The following XRN2 variants were observed in gnomAD, a reference collection of about 807,000 sequenced individuals.
The protein encoded by XRN2 is 5'-3' exoribonuclease 2.
A neutral mutation model predicts 138.5 loss-of-function variants in XRN2; 44 were observed. That is an observed-to-expected ratio of 0.32 (90% CI 0.25 to 0.41). The LOEUF (loss-of-function observed/expected upper bound fraction) is 0.41, where lower values mean the gene tolerates loss of function less well. Ranked by LOEUF, XRN2 falls within the 10% of genes least tolerant of loss-of-function variation. XRN2 has a pLI of 1.00. For missense variants in XRN2, 937 were observed against 1,169.3 expected, an observed-to-expected ratio of 0.80 and a Z score of 2.90; for synonymous variants, 354 against 369.4, an observed-to-expected ratio of 0.96 and a Z score of 0.48.
At chr20:21,382,168 C>A in intron 28 of XRN2, 111 bp downstream of exon 28, 3 of 818,814 alleles carry the variant, frequency 3.7e-6, no homozygotes, top group Non-Finnish European at 5.4e-6. Flanking sequence ...CTTTTTCCCA[C>A]CAAAAACAAT....
At chr20:21,356,496 T>C (rs2038577357) in intron 22 of XRN2, 90 bp from the exon 23 acceptor site, 15 of 1,179,958 alleles carry the variant, frequency 1.3e-5, no homozygotes, top group Admixed American at 2.4e-5. Context: ...TTGGCTCTTA[T>C]GAATGATGCT....
intron 3 of XRN2, 71 bp from the exon 4 acceptor site, chr20:21,328,488 A>G: frequency 7.0e-7 from 1 of 1,423,164 alleles, no homozygotes. Flanking sequence ...AGAACAACTG[A>G]TTCAAAATAA....
chr20:21,373,201 G>T (rs560320544), intron 27 of XRN2, among the ~76,000 whole-genome samples: 4 of 152,064 alleles, frequency 2.6e-5, no homozygotes, highest in Non-Finnish European at 5.9e-5. Flanking sequence ...GTAGAGATGG[G>T]GTTTCACCAT....
At chr20:21,317,298 A>G (rs1185919210) in intron 1 of XRN2, among the ~76,000 whole-genome samples, 1 of 80,464 alleles carries the variant, frequency 1.2e-5, no homozygotes, top group Non-Finnish European at 2.9e-5. Flanking sequence ...TTTCTAGATG[A>G]GTATTTTTTT....
rs761622310 is a variant in XRN2 at position 21,377,264 on chromosome 20, C to CTTTTTTTT, written c.2585-4723_2585-4716dup. ...CCAACATATGATTTGTCGGTTTTTT[C>CTTTTTTTT]TTTTTTTTTTTTTTGGTCAGTCTTG... On this transcript the variant is annotated intron_variant, in intron 27 of 29. Transcript: ENST00000377191. Among the ~76,000 whole-genome samples, 222 of 82,782 alleles carry CTTTTTTTT rather than the reference C, an allele frequency of 2.7e-3. 29 individuals are homozygous for CTTTTTTTT. Among genetic ancestry groups the CTTTTTTTT allele is most frequent in the African/African-American group, 0.011 (207 of 18,674 alleles). The allele number at this position is 82,782 out of a possible 152,430, so 54.3% of individuals were successfully genotyped here.
chr20:21,352,166 G>C (rs2038517859), intron 20 of XRN2, among the ~76,000 whole-genome samples: 1 of 151,998 alleles, frequency 6.6e-6, no homozygotes, highest in Non-Finnish European at 1.5e-5. Flanking sequence ...TAGTACTGTT[G>C]GGAAATACAG....
intron 27 of XRN2, among the ~76,000 whole-genome samples, chr20:21,377,128 A>G (rs1019760012): frequency 2.0e-5 from 3 of 152,168 alleles, no homozygotes; most frequent in Non-Finnish European, 4.4e-5. Flanking sequence ...TGTATTGGAT[A>G]AATAATTAGC....
chr20:21,386,195 A>C lies in XRN2; in HGVS notation c.2649-673A>C, dbSNP rs184105272. Among the ~76,000 whole-genome samples, 216 of 152,356 alleles carry C rather than the reference A, an allele frequency of 1.4e-3. 4 individuals are homozygous for C. Among genetic ancestry groups the C allele is most frequent in the Non-Finnish European group, 3.5e-4 (24 of 68,030 alleles). ...AATCTGCGACAGCAAACTGGGTTAT[A>C]ATAGCCGTTGAATCTGTGTTCCCAT... is the stretch of plus-strand genomic sequence containing the variant. On this transcript the variant is annotated intron_variant, in intron 28 of 29. Transcript: ENST00000377191.
At chr20:21,339,611 G>A (rs554999721) in intron 14 of XRN2, among the ~76,000 whole-genome samples, 1 of 152,100 alleles carries the variant, frequency 6.6e-6, no homozygotes, top group Non-Finnish European at 1.5e-5. Flanking sequence ...CCATATCCCT[G>A]CTGATTAAGA....
At chr20:21,374,967 T>A (rs1236341939) in intron 27 of XRN2, among the ~76,000 whole-genome samples, 2 of 151,096 alleles carry the variant, frequency 1.3e-5, no homozygotes, top group Non-Finnish European at 3.0e-5. Flanking sequence ...TAGTTCTGGC[T>A]TTTCAGATTT....
intron 1 of XRN2, chr20:21,303,805 C>G: frequency 3.7e-6 from 4 of 1,087,844 alleles, no homozygotes; most frequent in Non-Finnish European, 4.5e-6. Context: ...CATTTTGGGT[C>G]TCGGAAGAGG....
At chr20:21,354,753 G>C in intron 20 of XRN2, 36 bp from the exon 21 acceptor site, 3 of 1,599,500 alleles carry the variant, frequency 1.9e-6, no homozygotes, top group Non-Finnish European at 2.6e-6. Flanking sequence ...GGTGATCCTG[G>C]TAGCAGGGGT....
chr20:21,324,599 T>TA (rs1160627729), intron 1 of XRN2, among the ~76,000 whole-genome samples: 2 of 152,128 alleles, frequency 1.3e-5, no homozygotes, highest in Admixed American at 6.5e-5. Flanking sequence ...AGCTTATTCT[T>TA]TTCCTGATGG....
chr20:21,389,485 C>T lies in XRN2; in HGVS notation c.*147C>T. Reference sequence around the variant, plus strand: ...CTGTGTATATTTCTACTGATCTGATCTCACTGTTTATGTTGCTTTCCAAAG... The same window carrying T: ...CTGTGTATATTTCTACTGATCTGATTTCACTGTTTATGTTGCTTTCCAAAG... On this transcript the variant is annotated 3_prime_UTR_variant, in exon 30 of 30. Coordinates refer to ENST00000377191, the MANE Select transcript of XRN2 (RefSeq NM_012255.5). The T allele has an allele frequency of 1.5e-6, 1 of 678,570 alleles. No homozygotes were observed. The highest frequency in any genetic ancestry group is 2.3e-5 in the South Asian group (1 of 43,828). 42.0% of individuals were successfully genotyped at this position (678,570 alleles called of 1,614,324 possible).
In XRN2 at chr20:21,349,371, C is replaced by G; in HGVS notation, c.1864-18C>G. ...GTGTGACTTCTGTTTTGATTCTTTACTTTTCTCCCTAATATAGGATTCTAG... is the reference window on the plus strand; with the variant it reads ...GTGTGACTTCTGTTTTGATTCTTTAGTTTTCTCCCTAATATAGGATTCTAG... On this transcript the variant is annotated intron_variant, in intron 19 of 29. Transcript: ENST00000377191. The G allele has an allele frequency of 6.6e-7, 1 of 1,510,684 alleles. No homozygotes were observed. The highest frequency in any genetic ancestry group is 9.2e-7 in the Non-Finnish European group (1 of 1,090,114). The allele number at this position is 1,510,684 out of a possible 1,614,324, so 93.6% of individuals were successfully genotyped here. A position where few individuals can be genotyped will look rare whatever the true frequency, so the allele number is the denominator to read the frequency against.
intron 1 of XRN2, among the ~76,000 whole-genome samples, chr20:21,309,742 A>G (rs1480113263): frequency 2.0e-5 from 3 of 150,582 alleles, no homozygotes; most frequent in Non-Finnish European, 4.4e-5. Context: ...TCCTGTTTTT[A>G]CTTCTCTTTT....
intron 24 of XRN2, among the ~76,000 whole-genome samples, chr20:21,360,339 T>G (rs528833698): frequency 2.0e-5 from 3 of 152,340 alleles, no homozygotes; most frequent in Admixed American, 1.3e-4. Flanking sequence ...TTTGGAGTGC[T>G]CTTCCTTTCT....
At chr20:21,348,699 G>T (rs988040886) in intron 19 of XRN2, among the ~76,000 whole-genome samples, 2 of 152,094 alleles carry the variant, frequency 1.3e-5, no homozygotes, top group African/African-American at 4.8e-5. Context: ...AGGCTGGATT[G>T]CAGTGGCACC....
chr20:21,350,734 G>A (rs6047395), intron 20 of XRN2, among the ~76,000 whole-genome samples: 102,894 of 151,562 alleles, frequency 0.68, 35,636 homozygotes, highest in South Asian at 0.83. Context: ...AATGACTTAC[G>A]GAGAATCTTG....
Sources: allele counts gnomAD v4.1 joint callset (sites outside exome capture counted in the v4.1 genomes callset), GRCh38; gene constraint gnomAD v4.1.1; transcripts MANE v1.5; gene names NCBI Gene and HGNC (gene_info 2026-07-23, HGNC 2026-07-21).